MND1: variants seen among roughly 807,000 people sequenced by gnomAD.
MND1 encodes the protein meiotic nuclear divisions 1, also known as meiotic nuclear division protein 1 homolog.
In MND1, 28 loss-of-function variants were observed where a neutral mutation model predicts 35.1. The observed-to-expected ratio is 0.80, with a 90% CI of 0.59 to 1.09. The LOEUF (loss-of-function observed/expected upper bound fraction) is 1.09, where lower values mean the gene tolerates loss of function less well. MND1 is among the 50% of genes least tolerant of loss of function. MND1 has a pLI of 0.00. For missense variants in MND1, 213 were observed against 239.6 expected, an observed-to-expected ratio of 0.89 and a Z score of 0.73; for synonymous variants, 69 against 70.5, an observed-to-expected ratio of 0.98 and a Z score of 0.11.
intron 4 of MND1, among the ~76,000 whole-genome samples, chr4:153,367,954 G>A (rs760016184): frequency 2.6e-5 from 4 of 152,086 alleles, no homozygotes; most frequent in Admixed American, 1.3e-4. Flanking sequence ...ATCTTTTCAT[G>A]TGCTTCTTGG....
At chr4:153,359,991 TGG>T (rs1773442205) in intron 4 of MND1, among the ~76,000 whole-genome samples, 1 of 152,044 alleles carries the variant, frequency 6.6e-6, no homozygotes, top group African/African-American at 2.4e-5. Context: ...TTCACCATGA[TGG>T]CCAAGCTGGT....
intron 4 of MND1, among the ~76,000 whole-genome samples, chr4:153,364,024 A>G (rs2149636737): frequency 6.6e-6 from 1 of 152,320 alleles, no homozygotes; most frequent in South Asian, 2.1e-4. Context: ...ACTTGAGCCC[A>G]GGAGTTCACG....
intron 4 of MND1, among the ~76,000 whole-genome samples, chr4:153,389,655 C>T (rs964870376): frequency 1.3e-5 from 2 of 152,186 alleles, no homozygotes; most frequent in African/African-American, 4.8e-5. Flanking sequence ...GCCACTGCGC[C>T]CAGCCCATGC....
intron 6 of MND1, among the ~76,000 whole-genome samples, chr4:153,406,864 C>T (rs1468322115): frequency 2.0e-5 from 3 of 152,222 alleles, no homozygotes; most frequent in East Asian, 1.9e-4. Flanking sequence ...ATTGGACTTA[C>T]GGTGCCACGT....
intron 4 of MND1, among the ~76,000 whole-genome samples, chr4:153,391,313 G>A (rs4696457): frequency 0.21 from 31,181 of 151,896 alleles, 3,422 homozygotes; most frequent in East Asian, 0.27. Flanking sequence ...ATAGGTGTGC[G>A]CCACCACGAC....
At chr4:153,380,567 A>T (rs1055288709) in intron 4 of MND1, among the ~76,000 whole-genome samples, 16 of 152,198 alleles carry the variant, frequency 1.1e-4, no homozygotes, top group Non-Finnish European at 1.5e-5. Flanking sequence ...CCATCCTCTG[A>T]GCACATTACC....
chr4:153,402,319 A>G (rs1035241642), intron 6 of MND1, among the ~76,000 whole-genome samples: 1 of 152,240 alleles, frequency 6.6e-6, no homozygotes, highest in Non-Finnish European at 1.5e-5. Context: ...AAAATATCTT[A>G]GAGGTACTTA....
At chr4:153,348,890 G>T (rs890701349) in intron 1 of MND1, among the ~76,000 whole-genome samples, 2 of 152,176 alleles carry the variant, frequency 1.3e-5, no homozygotes, top group Admixed American at 6.5e-5. Context: ...CCAAATCCTT[G>T]TCTTCACTTA....
chr4:153,394,226 C>G (rs1273197731), intron 4 of MND1, 36 bp from the exon 5 acceptor site: 1 of 1,592,598 alleles, frequency 6.3e-7, no homozygotes, highest in East Asian at 2.3e-5. Flanking sequence ...GTCAGTTTAT[C>G]TTAGCAAGCT....
At chr4:153,351,293 T>G (rs1443562443) in intron 2 of MND1, among the ~76,000 whole-genome samples, 1 of 152,206 alleles carries the variant, frequency 6.6e-6, no homozygotes, top group Non-Finnish European at 1.5e-5. Context: ...AACCTTGTCC[T>G]TAGTAACATC....
At chr4:153,366,620 A>T (rs1185225055) in intron 4 of MND1, among the ~76,000 whole-genome samples, 1 of 152,230 alleles carries the variant, frequency 6.6e-6, no homozygotes, top group East Asian at 1.9e-4. Flanking sequence ...CCTGACTCTC[A>T]AGTTGTTCCA....
intron 7 of MND1, 162 bp downstream of exon 7, chr4:153,409,177 A>C (rs1392330803): frequency 3.8e-6 from 1 of 260,228 alleles, no homozygotes; most frequent in Non-Finnish European, 7.5e-6. Flanking sequence ...TCAGTTATTT[A>C]AGGTTTTTTT....
At chr4:153,411,566 T>C (rs1463347319) in intron 7 of MND1, among the ~76,000 whole-genome samples, 1 of 152,166 alleles carries the variant, frequency 6.6e-6, no homozygotes, top group African/African-American at 2.4e-5. Flanking sequence ...TTTTTATTTG[T>C]TCTTTTTCTT....
intron 3 of MND1, among the ~76,000 whole-genome samples, chr4:153,356,808 T>G (rs1054573458): frequency 3.9e-5 from 6 of 151,962 alleles, no homozygotes; most frequent in Non-Finnish European, 8.8e-5. Context: ...ATTTATTTGT[T>G]TATTTATTTA....
At chr4:153,404,471 T>C (rs1377688581) in intron 6 of MND1, among the ~76,000 whole-genome samples, 2 of 148,640 alleles carry the variant, frequency 1.3e-5, no homozygotes, top group Admixed American at 1.3e-4. Context: ...ATTACAGGTG[T>C]GAGCCACTGT....
chr4:153,391,046 A>G (rs1354429260), intron 4 of MND1, among the ~76,000 whole-genome samples: 1 of 151,384 alleles, frequency 6.6e-6, no homozygotes, highest in East Asian at 1.9e-4. Flanking sequence ...GAAAAATGTT[A>G]TGCTAAAATA....
intron 7 of MND1, among the ~76,000 whole-genome samples, chr4:153,414,431 G>A (rs185319700): frequency 9.9e-5 from 15 of 151,822 alleles, no homozygotes; most frequent in Admixed American, 4.6e-4. Flanking sequence ...ACAGGTGCCC[G>A]CCACCAACCA....
chr4:153,352,559 C>T (rs1773241008), intron 2 of MND1, among the ~76,000 whole-genome samples: 1 of 151,868 alleles, frequency 6.6e-6, no homozygotes, highest in Non-Finnish European at 1.5e-5. Context: ...AAACAATGCC[C>T]AGGTCGTAAG....
At chr4:153,362,909 T>TA in intron 4 of MND1, 1 of 689,404 alleles carries the variant, frequency 1.5e-6, no homozygotes, top group Non-Finnish European at 1.8e-6. Flanking sequence ...CCTCATGTTT[T>TA]ATACAGGATG....
Sources: allele counts gnomAD v4.1 joint callset (sites outside exome capture counted in the v4.1 genomes callset), GRCh38; gene constraint gnomAD v4.1.1; transcripts MANE v1.5; gene names NCBI Gene and HGNC (gene_info 2026-07-23, HGNC 2026-07-21).